The following KIAA0586 variants were observed in gnomAD, a reference collection of about 807,000 sequenced individuals.
KIAA0586 encodes protein TALPID3.
KIAA0586 carries 144 observed loss-of-function variants against 169.8 expected under a neutral mutation model. The observed-to-expected ratio is 0.85, with a 90% confidence interval of 0.74 to 0.97. The LOEUF (loss-of-function observed/expected upper bound fraction) is 0.97. KIAA0586 is among the 50% of genes least tolerant of loss of function. The pLI is 0.00. For missense variants in KIAA0586, 1,854 were observed against 1,823.0 expected (o/e 1.02, Z -0.31); for synonymous variants, 625 against 612.4 (o/e 1.02, Z -0.30).
intron 30 of KIAA0586, among the ~76,000 whole-genome samples, chr14:58,546,974 T>C (rs975120389): frequency 3.3e-5 from 5 of 152,186 alleles, no homozygotes; most frequent in African/African-American, 1.2e-4. Flanking sequence ...CCTCTGACAT[T>C]GCTAACCTTA....
Position 58,460,987 on chromosome 14 carries a change from G to A in KIAA0586, c.1886G>A (p.Gly629Glu), listed in dbSNP as rs940229482. The change falls in exon 14 of 31, where the codon GGG (glycine) becomes GAG (glutamate). Residue 629 changes from glycine (G) to glutamate (E), a missense_variant and splice_region_variant. By Grantham distance (98) the Gly-to-Glu change is moderately conservative. Transcript: ENST00000652326. ...AGTTGAATAACTTTGTACACACAGG[G>A]GCTTTTGAAAGCAACCACAGTAATA... is the stretch of plus-strand genomic sequence containing the variant. ...ASSLQKERKE[G>E]LLKATTVIQD... 7.6e-6 allele frequency: 12 copies of A among 1,586,850 alleles called. No individual in the cohort carries two copies. Among genetic ancestry groups the A allele is most frequent in the Non-Finnish European group, 8.6e-6 (10 of 1,169,000 alleles).
intron 15 of KIAA0586, among the ~76,000 whole-genome samples, chr14:58,467,055 A>C (rs2040827172): frequency 6.6e-6 from 1 of 152,164 alleles, no homozygotes; most frequent in Non-Finnish European, 1.5e-5. Context: ...TTAAGTATGA[A>C]TATTTTTTAA....
At chr14:58,442,984 A>T in intron 5 of KIAA0586, 104 bp downstream of exon 5, 2 of 790,538 alleles carry the variant, frequency 2.5e-6, no homozygotes, top group East Asian at 2.8e-5. Flanking sequence ...GACTAGGAAC[A>T]TTGTAGTTGC....
intron 29 of KIAA0586, among the ~76,000 whole-genome samples, chr14:58,526,083 C>T (rs1462997263): frequency 1.3e-5 from 2 of 152,220 alleles, no homozygotes; most frequent in African/African-American, 2.4e-5. Context: ...GATAAAACTC[C>T]CATCTCCCTG....
intron 29 of KIAA0586, chr14:58,537,193 A>C: frequency 9.6e-7 from 1 of 1,045,902 alleles, no homozygotes; most frequent in Non-Finnish European, 1.2e-6. Flanking sequence ...TTGTTATAAG[A>C]ATAAAAGTGG....
rs755205238 is a variant in KIAA0586, at chr14:58,442,863, G to A, written c.568G>A (p.Ala190Thr). The A allele has an allele frequency of 1.6e-5, 26 of 1,606,458 alleles. No homozygotes were observed. In the African/African-American group the frequency reaches 1.7e-4, roughly 11 times the overall value. Residue 190 changes from alanine to threonine, a missense_variant, in exon 5 of 31, where the codon GCA (alanine) becomes ACA (threonine). Transcript: ENST00000652326. ...AAATAAAIAT[A>T]APLIKVQSDL... Reference sequence around the variant, plus strand: ...AGCAACTGCTGCTGCCATTGCAACCGCAGCTCCGTTGATAAAGGTATATTT... The same window carrying A: ...AGCAACTGCTGCTGCCATTGCAACCACAGCTCCGTTGATAAAGGTATATTT...
At chr14:58,523,332 A>G (rs1182559881) in intron 29 of KIAA0586, among the ~76,000 whole-genome samples, 1 of 152,158 alleles carries the variant, frequency 6.6e-6, no homozygotes, top group Non-Finnish European at 1.5e-5. Context: ...TCTTTTTGAC[A>G]TTAAACACAT....
At position 58,489,281 on chromosome 14, in the gene KIAA0586, A is replaced by G. The variant is rs949342587; in HGVS notation, c.3781+407A>G. ...GTCATGCAAGCTAGAGTGAGGTGGCATGATCATGGTTCACTGCAGCCTCAA... is the reference window on the plus strand; with the variant it reads ...GTCATGCAAGCTAGAGTGAGGTGGCGTGATCATGGTTCACTGCAGCCTCAA... On this transcript the variant is annotated intron_variant, in intron 24 of 30. Coordinates refer to ENST00000652326, the MANE Select transcript of KIAA0586 (RefSeq NM_001329943.3). Among the ~76,000 whole-genome samples, 4 of 140,254 alleles carry G rather than the reference A, an allele frequency of 2.9e-5. No individual in the cohort carries two copies. In the South Asian group the frequency reaches 6.7e-4, roughly 24 times the overall value. The allele number at this position is 140,254 out of a possible 152,430, so 92.0% of individuals were successfully genotyped here. A position where few individuals can be genotyped will look rare whatever the true frequency, so the allele number is the denominator to read the frequency against.
chr14:58,544,397 G>T (rs2046854692), intron 30 of KIAA0586, among the ~76,000 whole-genome samples: 1 of 152,154 alleles, frequency 6.6e-6, no homozygotes, highest in African/African-American at 2.4e-5. Context: ...TAATGGAATT[G>T]CTGGGTCGAA....
chr14:58,512,686 AAT>A, intron 29 of KIAA0586, 59 bp downstream of exon 29: 1 of 936,720 alleles, frequency 1.1e-6, no homozygotes, highest in Non-Finnish European at 1.6e-6. Flanking sequence ...ATATTGAACA[AAT>A]ATGAGAATTC....
intron 6 of KIAA0586, among the ~76,000 whole-genome samples, chr14:58,446,925 T>C (rs1174737578): frequency 6.6e-6 from 1 of 152,152 alleles, no homozygotes; most frequent in Admixed American, 6.6e-5. Flanking sequence ...TTGTTCAGGA[T>C]AAAATGAGAT....
intron 21 of KIAA0586, among the ~76,000 whole-genome samples, chr14:58,486,014 G>T (rs1455795165): frequency 6.6e-6 from 1 of 152,112 alleles, no homozygotes; most frequent in Non-Finnish European, 1.5e-5. Context: ...GGGGGTACAT[G>T]TGTGGGATTG....
Position 58,487,160 on chromosome 14 carries a change from GA to G in KIAA0586, c.3303del (p.Gly1102GlufsTer40), listed in dbSNP as rs1372459549. On this transcript the variant is annotated frameshift_variant, in exon 22 of 31. Transcript: ENST00000652326. LOFTEE classifies it high-confidence loss of function. Reference protein sequence around the residue: ...MAFPVKEICAEKGDDMPAIML... With the variant: ...MAFPVKEICAXKGDDMPAIML... The stretch of plus-strand genomic sequence containing the variant: ...TTTTCCTGTGAAAGAAATATGTGCT[GA>G]AAAAGGTAGAAACTTTATTTCTATA... The G allele has an allele frequency of 6.2e-7, 1 of 1,603,298 alleles. No individual in the cohort carries two copies. Among genetic ancestry groups the G allele is most frequent in the South Asian group, 1.1e-5 (1 of 88,528 alleles).
At position 58,515,276 on chromosome 14, in the gene KIAA0586, G is replaced by A. The variant is rs1232775987; in HGVS notation, c.4429+2649G>A. Reference sequence around the variant, plus strand: ...AGTATCAAAGTGCTAAAAGTAATAGGTGTAATTGCTGTTATTTGTCAAAAT... The same window carrying A: ...AGTATCAAAGTGCTAAAAGTAATAGATGTAATTGCTGTTATTTGTCAAAAT... On this transcript the variant is annotated intron_variant, in intron 29 of 30. Coordinates refer to ENST00000652326, the MANE Select transcript of KIAA0586 (RefSeq NM_001329943.3). Among the ~76,000 whole-genome samples, 3 of 151,802 alleles carry A rather than the reference G, an allele frequency of 2.0e-5. No individual in the cohort carries two copies. In the East Asian group the frequency reaches 5.8e-4, roughly 29 times the overall value.
In KIAA0586 at chr14:58,503,475, T is replaced by A. The variant is rs546464287; in HGVS notation, c.4168+4515T>A. 4.4e-4 allele frequency among the ~76,000 whole-genome samples: 67 copies of A among 152,306 alleles called. No individual in the cohort carries two copies. The South Asian group carries it at 0.014, about 32-fold the overall frequency. ...TATTCCAGTTTGTTCATTTACTTAT[T>A]CAGAAGATATTTTTGAGTGCCTGCT... is the stretch of plus-strand genomic sequence containing the variant. On this transcript the variant is annotated intron_variant, in intron 27 of 30. Transcript: ENST00000652326.
chr14:58,492,373 T>G (rs781613103), intron 26 of KIAA0586, 98 bp downstream of exon 26: 2 of 1,108,556 alleles, frequency 1.8e-6, no homozygotes, highest in Non-Finnish European at 2.5e-6. Flanking sequence ...AGTATTTTGG[T>G]TTTTTCAAGG....
chr14:58,519,686 A>G (rs933367409), intron 29 of KIAA0586, among the ~76,000 whole-genome samples: 11 of 152,166 alleles, frequency 7.2e-5, no homozygotes, highest in African/African-American at 2.7e-4. Context: ...GATATATGGG[A>G]TAGTGTTGTG....
chr14:58,477,204 A>G lies in KIAA0586; in HGVS notation c.2907A>G (p.Ser969=), dbSNP rs761873818. The G allele has an allele frequency of 3.2e-6, 5 of 1,577,010 alleles. No individual in the cohort carries two copies. In the South Asian group the frequency reaches 5.8e-5, roughly 18 times the overall value. ...AGATTGCACCTAGTATCAGTGTTTC[A>G]GTCAGTGAGACAAGTGAACCACTGA... is the stretch of plus-strand genomic sequence containing the variant. ...QQQIAPSISV[S]VSETSEPLTS... Residue 969 remains serine, a synonymous_variant, in exon 20 of 31, where the codon TCA becomes TCG. Transcript: ENST00000652326.
intron 20 of KIAA0586, among the ~76,000 whole-genome samples, chr14:58,480,980 G>A (rs952793531): frequency 2.6e-5 from 4 of 152,148 alleles, no homozygotes; most frequent in Admixed American, 2.0e-4. Context: ...GTCTGGGTAG[G>A]GATTTGGGAC....
Sources: allele counts gnomAD v4.1 joint callset (sites outside exome capture counted in the v4.1 genomes callset), GRCh38; gene constraint gnomAD v4.1.1; transcripts MANE v1.5; gene names NCBI Gene and HGNC (gene_info 2026-07-23, HGNC 2026-07-21).